SLC35E2B: variants seen among roughly 807,000 people sequenced by gnomAD.
The protein encoded by SLC35E2B is solute carrier family 35, member E2B.
A neutral mutation model predicts 32.4 loss-of-function variants in SLC35E2B; 18 were observed. The observed-to-expected ratio is 0.56, with a 90% CI of 0.38 to 0.82. SLC35E2B has a LOEUF of 0.82. Ranked by LOEUF, SLC35E2B falls within the 40% of genes least tolerant of loss-of-function variation. The probability of loss-of-function intolerance (pLI) is 0.00; values close to 1 mark genes in which losing one functional copy is unlikely to be tolerated. For missense variants in SLC35E2B, 263 were observed against 469.5 expected (o/e 0.56, Z 4.06); for synonymous variants, 132 against 209.1 (o/e 0.63, Z 3.18).
intron 7 of SLC35E2B, 88 bp from the exon 8 acceptor site, chr1:1,669,824 C>G: frequency 7.4e-7 from 1 of 1,358,370 alleles, no homozygotes; most frequent in South Asian, 1.3e-5. Flanking sequence ...ACCCAGGCAC[C>G]CCAGCCCAGA....
Position 1,663,415 on chromosome 1 carries a change from T to C in SLC35E2B, c.*2367A>G. The C allele has an allele frequency of 9.5e-6, 9 of 951,002 alleles. No homozygotes were observed. Among genetic ancestry groups the C allele is most frequent in the Non-Finnish European group, 1.1e-5 (9 of 799,198 alleles). 58.9% of individuals were successfully genotyped at this position (951,002 alleles called of 1,614,324 possible). ...GAGGTGGACAAGGCCACCCTGGGAG[T>C]TGCTTTCAATCTGTCCTCACAAATC... On this transcript the variant is annotated 3_prime_UTR_variant, in exon 10 of 10. Transcript: ENST00000617444.
intron 2 of SLC35E2B, among the ~76,000 whole-genome samples, chr1:1,681,775 G>A (rs1033751045): frequency 2.7e-5 from 4 of 150,214 alleles, no homozygotes; most frequent in African/African-American, 9.7e-5. Flanking sequence ...CCCGAGGTCA[G>A]GAGATGGAGA....
chr1:1,689,846 G>C (rs2101122515), intron 2 of SLC35E2B, among the ~76,000 whole-genome samples: 1 of 151,018 alleles, frequency 6.6e-6, no homozygotes, highest in African/African-American at 2.4e-5. Flanking sequence ...AATTAACCAG[G>C]TGTGGTGGTA....
chr1:1,669,260 G>A lies in SLC35E2B; in HGVS notation c.834+404C>T, dbSNP rs1034211496. Among the ~76,000 whole-genome samples, 12 of 152,100 alleles carry A rather than the reference G, an allele frequency of 7.9e-5. 2 individuals carry two copies. Among genetic ancestry groups the A allele is most frequent in the Admixed American group, 3.9e-4 (6 of 15,272 alleles). ...GCAGGTCCCAGCTACTTGGGAAGCT[G>A]AGGCAGGAGAATAACTTGAGCCTGG... On this transcript the variant is annotated intron_variant, in intron 8 of 9. Coordinates refer to ENST00000617444, the MANE Select transcript of SLC35E2B (RefSeq NM_001290264.2).
At chr1:1,678,307 G>C (rs1643871008) in intron 2 of SLC35E2B, among the ~76,000 whole-genome samples, 2 of 152,184 alleles carry the variant, frequency 1.3e-5, no homozygotes, top group South Asian at 4.1e-4. Context: ...TCGCCTGGGT[G>C]CTCAGGCCGG....
At chr1:1,688,108 C>T (rs566284925) in intron 2 of SLC35E2B, among the ~76,000 whole-genome samples, 2 of 151,994 alleles carry the variant, frequency 1.3e-5, no homozygotes, top group African/African-American at 4.8e-5. Context: ...GTACGTAACA[C>T]AGTAAAGGAT....
chr1:1,677,807 A>T (rs550607515), intron 2 of SLC35E2B, among the ~76,000 whole-genome samples: 34 of 151,610 alleles, frequency 2.2e-4, no homozygotes, highest in African/African-American at 7.8e-4. Context: ...CACCCGCTTC[A>T]CGCTCAGGCG....
Position 1,665,830 on chromosome 1 carries a change from G to C in SLC35E2B, c.1170C>G (p.Asp390Glu), listed in dbSNP as rs539438648. The change falls in exon 10 of 10, where the codon GAC becomes GAG. Residue 390 changes from aspartate to glutamate, a missense_variant. Physicochemically the swap from Asp to Glu is conservative, Grantham distance 45. Transcript: ENST00000617444. Reference sequence around the variant, plus strand: ...GTGGAAGCAGCGGCTCCACTGTGTCGTCTGGGGCCCGGCCAGTGGCTGCAG... The same window carrying C: ...GTGGAAGCAGCGGCTCCACTGTGTCCTCTGGGGCCCGGCCAGTGGCTGCAG... ...SLAAATGRAPDDTVEPLLPQD... is the reference protein window; with the variant it reads ...SLAAATGRAPEDTVEPLLPQD... The C allele has an allele frequency of 5.8e-6, 9 of 1,550,952 alleles. No homozygotes were observed. Among genetic ancestry groups the C allele is most frequent in the East Asian group, 2.4e-5 (1 of 40,926 alleles).
chr1:1,680,520 G>C (rs1643891181), intron 2 of SLC35E2B, among the ~76,000 whole-genome samples: 1 of 152,122 alleles, frequency 6.6e-6, no homozygotes, highest in South Asian at 2.1e-4. Context: ...GAACTGCCCA[G>C]CCCTGGGACA....
intron 2 of SLC35E2B, among the ~76,000 whole-genome samples, chr1:1,688,634 T>G (rs1643981669): frequency 6.6e-6 from 1 of 151,158 alleles, no homozygotes; most frequent in African/African-American, 2.5e-5. Context: ...AGAGGCTATG[T>G]AGTCTCGAGA....
chr1:1,668,789 A>C (rs1019819368), intron 8 of SLC35E2B, among the ~76,000 whole-genome samples: 2 of 152,174 alleles, frequency 1.3e-5, no homozygotes, highest in African/African-American at 4.8e-5. Context: ...GGGGCCGGGC[A>C]TGGCCAGTCT....
intron 5 of SLC35E2B, among the ~76,000 whole-genome samples, chr1:1,673,656 C>T (rs536153908): frequency 2.7e-5 from 4 of 150,678 alleles, no homozygotes; most frequent in Admixed American, 2.0e-4. Flanking sequence ...GGCAACAAAG[C>T]GAGACTCCAT....
intron 1 of SLC35E2B, among the ~76,000 whole-genome samples, 192 bp downstream of exon 1, chr1:1,692,256 GA>G (rs1401605911): frequency 2.2e-5 from 3 of 138,510 alleles, no homozygotes; most frequent in Non-Finnish European, 3.1e-5. Context: ...AGCCAGCTGG[GA>G]AAACCCCACC....
chr1:1,684,574 A>G (rs1302840764), intron 2 of SLC35E2B, among the ~76,000 whole-genome samples: 2 of 151,440 alleles, frequency 1.3e-5, no homozygotes, highest in African/African-American at 2.4e-5. Flanking sequence ...GGTGGATCAC[A>G]AGGTCAGGAG....
intron 2 of SLC35E2B, among the ~76,000 whole-genome samples, chr1:1,678,517 C>T (rs1643873001): frequency 6.6e-6 from 1 of 152,122 alleles, no homozygotes; most frequent in African/African-American, 2.4e-5. Flanking sequence ...ACACCGCCAG[C>T]TCAGTGCCAC....
intron 2 of SLC35E2B, among the ~76,000 whole-genome samples, chr1:1,680,204 G>A (rs1487795908): frequency 6.6e-6 from 1 of 151,928 alleles, no homozygotes; most frequent in East Asian, 1.9e-4. Flanking sequence ...AGGAGGCTGG[G>A]GTGGGAGGAT....
At position 1,665,717 on chromosome 1, in the gene SLC35E2B, C is replaced by T. The variant is rs371326653; in HGVS notation, c.*65G>A. The T allele has an allele frequency of 4.8e-4, 728 of 1,526,994 alleles. 3 individuals carry two copies. The highest frequency in any genetic ancestry group is 1.2e-4 in the Non-Finnish European group (137 of 1,132,044). The allele number at this position is 1,526,994 out of a possible 1,614,324, so 94.6% of individuals were successfully genotyped here. ...ACCCCAGCAGGGCCATGGAGGAGGG[C>T]GTCCCTGCCCATTTCTGGGGGATGC... is the stretch of plus-strand genomic sequence containing the variant. On this transcript the variant is annotated 3_prime_UTR_variant, in exon 10 of 10. Transcript: ENST00000617444.
chr1:1,676,873 T>A, intron 2 of SLC35E2B, 27 bp from the exon 3 acceptor site: 1 of 1,420,740 alleles, frequency 7.0e-7, no homozygotes, highest in African/African-American at 1.4e-5. Context: ...AGGAAACACA[T>A]CACCCGTTTT....
At chr1:1,673,540 T>TGCC (rs1217821892) in intron 5 of SLC35E2B, 2 of 216,970 alleles carry the variant, frequency 9.2e-6, no homozygotes, top group African/African-American at 4.7e-5. Context: ...TGGGGCCACA[T>TGCC]GCCTGTAATC....
Sources: gnomAD v4.1 joint callset for allele counts (sites outside exome capture counted in the v4.1 genomes callset) on GRCh38, gnomAD v4.1.1 for gene constraint, MANE v1.5 for transcripts, NCBI Gene and HGNC (gene_info 2026-07-23, HGNC 2026-07-21) for gene names.